NRXN1: variants seen among roughly 807,000 people sequenced by gnomAD.
The protein encoded by NRXN1 is neurexin 1.
Under a neutral mutation model 150.9 loss-of-function variants are expected in NRXN1, and 39 were observed. The ratio of observed to expected loss-of-function variants is 0.26; its 90% CI spans 0.20 to 0.34. The LOEUF (loss-of-function observed/expected upper bound fraction) is 0.34. Ranked by LOEUF, NRXN1 falls within the 10% of genes least tolerant of loss-of-function variation. The pLI is 1.00. For missense variants in NRXN1, 1,815 were observed against 1,949.9 expected, an observed-to-expected ratio of 0.93 and a Z score of 1.30; for synonymous variants, 924 against 757.0, an observed-to-expected ratio of 1.22 and a Z score of -3.62.
intron 17 of NRXN1, among the ~76,000 whole-genome samples, chr2:50,321,210 A>C (rs1172517996): frequency 6.6e-6 from 1 of 152,152 alleles, no homozygotes; most frequent in African/African-American, 2.4e-5. Context: ...AACCAGACTA[A>C]GTATCCTGGA....
chr2:50,621,083 G>A lies in NRXN1; in HGVS notation c.1158+143C>T, dbSNP rs1573826430. The A allele has an allele frequency of 4.8e-6, 3 of 623,560 alleles. No individual in the cohort carries two copies. The East Asian group carries it at 9.0e-5, about 19-fold the overall frequency. 38.6% of individuals were successfully genotyped at this position (623,560 alleles called of 1,614,324 possible). A position where few individuals can be genotyped will look rare whatever the true frequency, so the allele number is the denominator to read the frequency against. ...GGTCAACAACAGATGAAAAGAAGGA[G>A]GTCAAAGTAAGCAGAAGAGTACCAA... On this transcript the variant is annotated intron_variant, in intron 7 of 22. Coordinates refer to ENST00000401669, the MANE Select transcript of NRXN1 (RefSeq NM_001330078.2).
chr2:49,964,725 C>G (rs1676647647), intron 21 of NRXN1, among the ~76,000 whole-genome samples: 1 of 151,972 alleles, frequency 6.6e-6, no homozygotes, highest in Non-Finnish European at 1.5e-5. Flanking sequence ...CCTGTAATCC[C>G]AGCTACTAGG....
At chr2:50,280,156 T>A (rs2071224054) in intron 17 of NRXN1, among the ~76,000 whole-genome samples, 1 of 151,688 alleles carries the variant, frequency 6.6e-6, no homozygotes, top group African/African-American at 2.4e-5. Flanking sequence ...CGGGCGCCTG[T>A]AGTCCCAGCT....
At chr2:50,790,557 G>A (rs996504566) in intron 5 of NRXN1, among the ~76,000 whole-genome samples, 1 of 152,112 alleles carries the variant, frequency 6.6e-6, no homozygotes, top group African/African-American at 2.4e-5. Flanking sequence ...GGAGAGAGAG[G>A]TTGCAGAGAT....
At chr2:50,087,334 C>T (rs1487198350) in intron 19 of NRXN1, among the ~76,000 whole-genome samples, 1 of 151,954 alleles carries the variant, frequency 6.6e-6, no homozygotes, top group Non-Finnish European at 1.5e-5. Flanking sequence ...GAGTATAAAA[C>T]GAACATTTGA....
intron 2 of NRXN1, among the ~76,000 whole-genome samples, chr2:50,969,249 T>G (rs964696968): frequency 1.3e-5 from 2 of 152,124 alleles, no homozygotes; most frequent in African/African-American, 4.8e-5. Context: ...TTCACTGATT[T>G]TTTCCTCAAT....
intron 17 of NRXN1, among the ~76,000 whole-genome samples, chr2:50,329,112 A>G (rs1399852535): frequency 6.6e-6 from 1 of 152,210 alleles, no homozygotes; most frequent in Non-Finnish European, 1.5e-5. Context: ...AGCACCATAA[A>G]CAAAATTAAA....
chr2:51,002,391 C>T (rs1288754179), intron 2 of NRXN1, among the ~76,000 whole-genome samples: 1 of 151,874 alleles, frequency 6.6e-6, no homozygotes, highest in African/African-American at 2.4e-5. Context: ...GACATGCTTT[C>T]GTAGAAAACA....
intron 18 of NRXN1, among the ~76,000 whole-genome samples, chr2:50,186,920 G>GT (rs1258624169): frequency 1.3e-5 from 2 of 151,832 alleles, no homozygotes; most frequent in African/African-American, 4.8e-5. Flanking sequence ...TTCCACAATT[G>GT]TTTATTTTGT....
chr2:50,996,070 G>C (rs1232429162), intron 2 of NRXN1, among the ~76,000 whole-genome samples: 1 of 152,084 alleles, frequency 6.6e-6, no homozygotes, highest in African/African-American at 2.4e-5. Context: ...ATAATGAAGA[G>C]TGAGCAGGTT....
chr2:50,296,340 G>A (rs1558473710), intron 17 of NRXN1, among the ~76,000 whole-genome samples: 1 of 152,088 alleles, frequency 6.6e-6, no homozygotes, highest in Non-Finnish European at 1.5e-5. Context: ...CACAAGAGTT[G>A]TGAACAACAT....
intron 17 of NRXN1, among the ~76,000 whole-genome samples, chr2:50,278,313 T>A (rs1471568277): frequency 1.6e-5 from 2 of 126,060 alleles, no homozygotes; most frequent in East Asian, 2.1e-4. Flanking sequence ...ATTTTATATA[T>A]ATATTATATA....
At chr2:50,959,992 T>C (rs982544239) in intron 2 of NRXN1, among the ~76,000 whole-genome samples, 4 of 151,996 alleles carry the variant, frequency 2.6e-5, no homozygotes, top group African/African-American at 9.7e-5. Context: ...CATTTTCTTA[T>C]ACACAAAAAT....
chr2:50,813,896 A>G (rs1668566119), intron 5 of NRXN1, among the ~76,000 whole-genome samples: 1 of 152,114 alleles, frequency 6.6e-6, no homozygotes, highest in African/African-American at 2.4e-5. Context: ...TTAACAATAC[A>G]TCTTCTGATC....
intron 21 of NRXN1, chr2:49,974,198 A>C: frequency 1.4e-6 from 1 of 703,754 alleles, no homozygotes; most frequent in South Asian, 1.5e-5. Context: ...GAAAAGACAC[A>C]GAAAACGCTC....
At chr2:50,224,634 G>C (rs1403263979) in intron 18 of NRXN1, among the ~76,000 whole-genome samples, 1 of 150,794 alleles carries the variant, frequency 6.6e-6, no homozygotes, top group African/African-American at 2.4e-5. Context: ...ACCTCCCTCA[G>C]CTAAGCCAAG....
intron 5 of NRXN1, among the ~76,000 whole-genome samples, chr2:50,790,041 T>A (rs2105591953): frequency 6.6e-6 from 1 of 152,212 alleles, no homozygotes; most frequent in East Asian, 1.9e-4. Flanking sequence ...CCTCTCATAT[T>A]TCTGTAAGCC....
Position 50,052,467 on chromosome 2 carries a change from G to GT in NRXN1, c.4128+803dup, listed in dbSNP as rs560303596. 1.6e-3 allele frequency among the ~76,000 whole-genome samples: 247 copies of GT among 151,258 alleles called. 1 individual carries two copies. The highest frequency in any genetic ancestry group is 0.01 in the Middle Eastern group (3 of 294). On this transcript the variant is annotated intron_variant, in intron 21 of 22. Coordinates refer to ENST00000401669, the MANE Select transcript of NRXN1 (RefSeq NM_001330078.2). ...AGCATCTAACAGCATTTCGAATAAG[G>GT]TTTTTTTTTCCCTGTGTTCTTCACT...
intron 18 of NRXN1, among the ~76,000 whole-genome samples, chr2:50,109,777 A>G (rs1028147913): frequency 1.3e-5 from 2 of 152,138 alleles, no homozygotes; most frequent in African/African-American, 4.8e-5. Context: ...TACTATATTT[A>G]GATAGTATAA....
Sources: gnomAD v4.1 joint callset for allele counts (sites outside exome capture counted in the v4.1 genomes callset) on GRCh38, gnomAD v4.1.1 for gene constraint, MANE v1.5 for transcripts, NCBI Gene and HGNC (gene_info 2026-07-23, HGNC 2026-07-21) for gene names.